The following CACNA2D2 variants were observed in gnomAD, a reference collection of about 807,000 sequenced individuals.
The protein encoded by CACNA2D2 is calcium voltage-gated channel auxiliary subunit alpha2delta 2, also known as voltage-dependent calcium channel subunit alpha-2/delta-2.
In CACNA2D2, 48 loss-of-function variants were observed where a neutral mutation model predicts 166.4. That is an observed-to-expected ratio of 0.29 (90% CI 0.23 to 0.37). The LOEUF (loss-of-function observed/expected upper bound fraction) is 0.37, where lower values mean the gene tolerates loss of function less well. Ranked by LOEUF, CACNA2D2 falls within the 10% of genes least tolerant of loss-of-function variation. The pLI is 1.00. For missense variants in CACNA2D2, 1,122 were observed against 1,433.0 expected, an observed-to-expected ratio of 0.78 and a Z score of 3.50; for synonymous variants, 561 against 573.7, an observed-to-expected ratio of 0.98 and a Z score of 0.32.
chr3:50,458,630 G>A (rs1180817813), intron 2 of CACNA2D2, among the ~76,000 whole-genome samples: 1 of 152,186 alleles, frequency 6.6e-6, no homozygotes, highest in Non-Finnish European at 1.5e-5. Context: ...GGTGCCTGGC[G>A]AACTTTCTTT....
intron 3 of CACNA2D2, among the ~76,000 whole-genome samples, chr3:50,399,534 G>C (rs1706338221): frequency 6.6e-6 from 1 of 152,134 alleles, no homozygotes; most frequent in African/African-American, 2.4e-5. Flanking sequence ...CTGCAAGGAA[G>C]GTAGCAATGA....
At chr3:50,485,829 G>A (rs1285240276) in intron 1 of CACNA2D2, among the ~76,000 whole-genome samples, 2 of 152,182 alleles carry the variant, frequency 1.3e-5, no homozygotes, top group East Asian at 3.8e-4. Context: ...CTAGAGCTGG[G>A]ATATAGCAAT....
intron 4 of CACNA2D2, 82 bp downstream of exon 4, chr3:50,394,027 G>T: frequency 7.9e-7 from 1 of 1,264,826 alleles, no homozygotes; most frequent in Non-Finnish European, 1.2e-6. Flanking sequence ...TCATGTGTCT[G>T]GGCAGCTCCC....
chr3:50,452,086 G>C (rs532031075), intron 2 of CACNA2D2, among the ~76,000 whole-genome samples: 5 of 152,204 alleles, frequency 3.3e-5, no homozygotes, highest in Non-Finnish European at 7.3e-5. Context: ...TCCCTCCCCA[G>C]GCTGTACCCC....
At chr3:50,468,251 G>C (rs1709906170) in intron 2 of CACNA2D2, among the ~76,000 whole-genome samples, 1 of 152,190 alleles carries the variant, frequency 6.6e-6, no homozygotes, top group Admixed American at 6.5e-5. Flanking sequence ...AGGCCGGCTG[G>C]GGTGACAGCA....
rs1478207597 is a variant in CACNA2D2 at position 50,397,931 on chromosome 3, C to T, written c.406-3763G>A. Among the ~76,000 whole-genome samples, 8 of 152,346 alleles carry T rather than the reference C, an allele frequency of 5.3e-5. No individual in the cohort carries two copies. In the East Asian group the frequency reaches 1.5e-3, roughly 29 times the overall value. On this transcript the variant is annotated intron_variant, in intron 3 of 37. Coordinates refer to ENST00000424201, the MANE Select transcript of CACNA2D2 (RefSeq NM_006030.4). ...AGGCTGAGCACCCAGACCTTGGGCT[C>T]CTGTCCCCATAGAGCTGACAATAGT...
intron 22 of CACNA2D2, among the ~76,000 whole-genome samples, chr3:50,372,193 G>A (rs1704687046): frequency 6.6e-6 from 1 of 152,260 alleles, no homozygotes; most frequent in South Asian, 2.1e-4. Context: ...AAGTCTCCTT[G>A]GCTTAGGCAC....
At chr3:50,500,433 G>A (rs913710899) in intron 1 of CACNA2D2, among the ~76,000 whole-genome samples, 5 of 152,182 alleles carry the variant, frequency 3.3e-5, no homozygotes, top group African/African-American at 1.2e-4. Flanking sequence ...AGGCCCAGCA[G>A]AGAGGACAAA....
At chr3:50,414,745 C>T (rs190019426) in intron 3 of CACNA2D2, among the ~76,000 whole-genome samples, 4 of 152,334 alleles carry the variant, frequency 2.6e-5, no homozygotes, top group African/African-American at 4.8e-5. Flanking sequence ...GTCAGAAGAG[C>T]GAGCTCCTAT....
intron 2 of CACNA2D2, among the ~76,000 whole-genome samples, chr3:50,467,145 T>A (rs1460572229): frequency 2.0e-5 from 3 of 152,110 alleles, no homozygotes; most frequent in Non-Finnish European, 1.5e-5. Flanking sequence ...GGGCCAAGCC[T>A]TCAAGTCACT....
chr3:50,384,132 C>T, intron 6 of CACNA2D2, 64 bp downstream of exon 6: 3 of 1,590,774 alleles, frequency 1.9e-6, no homozygotes, highest in Non-Finnish European at 2.6e-6. Context: ...TCTGGAATGC[C>T]CTGGCAGTGG....
At position 50,375,766 on chromosome 3, in the gene CACNA2D2, G is replaced by A. The variant is rs779350029; in HGVS notation, c.1845+43C>T. On this transcript the variant is annotated intron_variant, in intron 20 of 37. Transcript: ENST00000424201. This position sits in a 1 kb window ranked among gnomAD's most constrained non-coding sequence, Gnocchi z 4.0. ...CAGGCAGGGGGCGCTGGGGTAGAAGGGTGCCCACCCTGACTCCCTGGCCCC... is the reference window on the plus strand; with the variant it reads ...CAGGCAGGGGGCGCTGGGGTAGAAGAGTGCCCACCCTGACTCCCTGGCCCC... The A allele has an allele frequency of 7.4e-6, 12 of 1,612,626 alleles. No homozygotes were observed. The African/African-American group carries it at 1.1e-4, about 14-fold the overall frequency.
intron 3 of CACNA2D2, among the ~76,000 whole-genome samples, chr3:50,413,856 A>ATAAATAAATAAG (rs1707147096): frequency 6.6e-6 from 1 of 151,944 alleles, no homozygotes; most frequent in African/African-American, 2.4e-5. Flanking sequence ...CAAAAAATAA[A>ATAAATAAATAAG]TAAATAAAAG....
chr3:50,378,824 C>A (rs1705130310), intron 13 of CACNA2D2, 91 bp downstream of exon 13: 1 of 1,481,264 alleles, frequency 6.8e-7, no homozygotes, highest in South Asian at 1.2e-5. Flanking sequence ...GGTGAACACA[C>A]AGCTGGACAT....
At position 50,363,491 on chromosome 3, in the gene CACNA2D2, T is replaced by C. The variant is rs1704040284; in HGVS notation, c.*1175A>G. The stretch of plus-strand genomic sequence containing the variant: ...CTGTGTGTGTGTGTGTGTGTGTGTG[T>C]TCAGCAAGGGAGGGACAGTTTGGCC... On this transcript the variant is annotated 3_prime_UTR_variant, in exon 38 of 38. Coordinates refer to ENST00000424201, the MANE Select transcript of CACNA2D2 (RefSeq NM_006030.4). 5.7e-6 allele frequency: 2 copies of C among 351,890 alleles called. No homozygotes were observed. Among genetic ancestry groups the C allele is most frequent in the Non-Finnish European group, 9.5e-6 (2 of 210,134 alleles). 21.8% of individuals were successfully genotyped at this position (351,890 alleles called of 1,614,324 possible).
intron 2 of CACNA2D2, among the ~76,000 whole-genome samples, chr3:50,465,396 G>A (rs1344612200): frequency 6.6e-6 from 1 of 152,160 alleles, no homozygotes; most frequent in African/African-American, 2.4e-5. Flanking sequence ...GAGGCAAGTG[G>A]CTGCCACTTG....
intron 2 of CACNA2D2, among the ~76,000 whole-genome samples, chr3:50,459,967 A>G (rs1372568847): frequency 6.6e-6 from 1 of 152,082 alleles, no homozygotes; most frequent in Non-Finnish European, 1.5e-5. Context: ...TCCACCCTCC[A>G]TCCTCTTCAG....
rs587725308 is a variant in CACNA2D2, at chr3:50,383,568, ACCT to A, written c.652+625_652+627del. On this transcript the variant is annotated intron_variant, in intron 6 of 37. Transcript: ENST00000424201. ...GACTCAAATCCTTCTAGCTATAGTG[ACCT>A]CGTTTCCCCATTGTGTAAAGCTGCC... 7.6e-3 allele frequency among the ~76,000 whole-genome samples: 1,150 copies of A among 152,164 alleles called. 7 individuals carry two copies. The highest frequency in any genetic ancestry group is 0.015 in the South Asian group (71 of 4,812).
intron 3 of CACNA2D2, among the ~76,000 whole-genome samples, chr3:50,407,084 G>A (rs949135795): frequency 1.3e-5 from 2 of 151,780 alleles, no homozygotes; most frequent in Non-Finnish European, 2.9e-5. Flanking sequence ...TGGACATGGA[G>A]AACTGGCCCT....
Sources: allele counts gnomAD v4.1 joint callset (sites outside exome capture counted in the v4.1 genomes callset), GRCh38; gene constraint gnomAD v4.1.1; non-coding constraint Gnocchi (gnomAD v3.1); transcripts MANE v1.5; gene names NCBI Gene and HGNC (gene_info 2026-07-23, HGNC 2026-07-21).